NAXD: variants seen among roughly 807,000 people sequenced by gnomAD.
NAXD encodes NAD(P)HX dehydratase, also known as ATP-dependent (S)-NAD(P)H-hydrate dehydratase.
A neutral mutation model predicts 35.8 loss-of-function variants in NAXD; 22 were observed. The ratio of observed to expected loss-of-function variants is 0.62; its 90% CI spans 0.44 to 0.88. NAXD has a LOEUF of 0.88. Among genes scored for constraint, NAXD ranks in the 40% least tolerant of loss-of-function variants. The pLI, the probability that NAXD is intolerant of heterozygous loss-of-function variation, is 0.00. For synonymous variants in NAXD, 189 were observed against 177.6 expected (o/e 1.06, Z -0.51); for missense variants, 428 against 437.7 (o/e 0.98, Z 0.20).
At position 110,638,664 on chromosome 13, in the gene NAXD, A is replaced by G. The variant is rs1451017351; in HGVS notation, c.*136A>G. 2.9e-6 allele frequency: 3 copies of G among 1,025,718 alleles called. No homozygotes were observed. Among genetic ancestry groups the G allele is most frequent in the Admixed American group, 3.8e-5 (2 of 52,076 alleles). 63.5% of individuals were successfully genotyped at this position (1,025,718 alleles called of 1,614,324 possible). A position where few individuals can be genotyped will look rare whatever the true frequency, so the allele number is the denominator to read the frequency against. ...TCAACTTGAGCATAAATTGGTTGCC[A>G]TTGAGAATTTAAGAATCTGGAATAT... is the stretch of plus-strand genomic sequence containing the variant. On this transcript the variant is annotated 3_prime_UTR_variant, in exon 10 of 10. Transcript: ENST00000680254. This position sits in a 1 kb window ranked among gnomAD's most constrained non-coding sequence, Gnocchi z 5.4.
At chr13:110,616,963 C>T (rs142165815) in intron 1 of NAXD, among the ~76,000 whole-genome samples, 1 of 152,320 alleles carries the variant, frequency 6.6e-6, no homozygotes, top group Non-Finnish European at 1.5e-5. Context: ...CTACACTGCA[C>T]CTCACTCACA....
intron 5 of NAXD, among the ~76,000 whole-genome samples, chr13:110,633,271 G>A (rs964322968): frequency 2.6e-5 from 4 of 152,138 alleles, no homozygotes; most frequent in Non-Finnish European, 4.4e-5. Flanking sequence ...CCGCTGGCCC[G>A]GGTGCTAAGT....
rs759721262 is a variant in NAXD at position 110,622,238 on chromosome 13, A to G, written c.69A>G (p.Leu23=). 21 of 1,613,676 alleles carry G rather than the reference A, an allele frequency of 1.3e-5. No individual in the cohort carries two copies. The South Asian group carries it at 1.8e-4, about 14-fold the overall frequency. ...CAGTTTTAGAAAGAGCGTTTTCGCT[A>G]CGTAAAGCACATTCGATAAAGGATA... ...CRRVLERAFS[L]RKAHSIKDME... is the part of the protein sequence containing the mutation. Residue 23 remains leucine, a synonymous_variant, in exon 2 of 10, where the codon CTA becomes CTG. Transcript: ENST00000680254.
intron 2 of NAXD, among the ~76,000 whole-genome samples, chr13:110,623,060 A>G (rs1042838540): frequency 6.6e-6 from 1 of 152,118 alleles, no homozygotes; most frequent in African/African-American, 2.4e-5. Context: ...GTTGCCTCCC[A>G]AGAGCACCTG....
At chr13:110,634,319 C>T (rs572731228) in intron 5 of NAXD, among the ~76,000 whole-genome samples, 1 of 152,288 alleles carries the variant, frequency 6.6e-6, no homozygotes, top group Admixed American at 6.5e-5. Flanking sequence ...TGTCCAACAT[C>T]AAGGTGCCGG....
At chr13:110,624,488 C>G (rs8002455) in intron 3 of NAXD, among the ~76,000 whole-genome samples, 1 of 152,070 alleles carries the variant, frequency 6.6e-6, no homozygotes, top group Non-Finnish European at 1.5e-5. Context: ...GACAGAGTTT[C>G]GCTCTTTTTG....
At position 110,638,169 on chromosome 13, in the gene NAXD, T is replaced by G; in HGVS notation, c.840-209T>G. 1 of 1,420,830 alleles carries G rather than the reference T, an allele frequency of 7.0e-7. No individual in the cohort carries two copies. The highest frequency in any genetic ancestry group is 9.6e-7 in the Non-Finnish European group (1 of 1,045,572). The allele number at this position is 1,420,830 out of a possible 1,614,324, so 88.0% of individuals were successfully genotyped here. A position where few individuals can be genotyped will look rare whatever the true frequency, so the allele number is the denominator to read the frequency against. On this transcript the variant is annotated intron_variant, in intron 9 of 9. Coordinates refer to ENST00000680254, the MANE Select transcript of NAXD (RefSeq NM_001242882.2). This position sits in a 1 kb window ranked among gnomAD's most constrained non-coding sequence, Gnocchi z 5.4. ...TGTCTCCGAGTACATAGACGTTTCC[T>G]GTGTGCCTCCTGCCAGGGAGTAGTG...
At position 110,622,341 on chromosome 13, in the gene NAXD, A is replaced by AT. The variant is rs771814049; in HGVS notation, c.173dup (p.Gly59ArgfsTer41). 6.2e-7 allele frequency: 1 copy of AT among 1,614,236 alleles called. No individual in the cohort carries two copies. Among genetic ancestry groups the AT allele is most frequent in the African/African-American group, 1.3e-5 (1 of 75,064 alleles). ...AAAGCACAAAGGGCAAGATGGAAGA[A>AT]TAGGCGTAGTTGGAGGCTGTCAGGA... On this transcript the variant is annotated frameshift_variant, in exon 2 of 10. Transcript: ENST00000680254. LOFTEE classifies it high-confidence loss of function.
rs148659418 is a variant in NAXD at position 110,622,347 on chromosome 13, G to A, written c.178G>A (p.Val60Ile). ...KHKGQDGRIG[V>I]VGGCQEYTGA... is the part of the protein sequence containing the mutation. ...CAAAGGGCAAGATGGAAGAATAGGCGTAGTTGGAGGCTGTCAGGAGTAAGT... is the reference window on the plus strand; with the variant it reads ...CAAAGGGCAAGATGGAAGAATAGGCATAGTTGGAGGCTGTCAGGAGTAAGT... Residue 60 changes from valine to isoleucine, a missense_variant, in exon 2 of 10, where the codon GTA becomes ATA. By Grantham distance (29) the Val-to-Ile change is conservative. Transcript: ENST00000680254. 1.3e-5 allele frequency: 21 copies of A among 1,614,066 alleles called. No homozygotes were observed. Among genetic ancestry groups the A allele is most frequent in the African/African-American group, 6.7e-5 (5 of 74,932 alleles).
At chr13:110,631,010 C>T (rs1465848467) in intron 5 of NAXD, among the ~76,000 whole-genome samples, 6 of 152,156 alleles carry the variant, frequency 3.9e-5, no homozygotes, top group Admixed American at 3.9e-4. Flanking sequence ...TTTGGATCAG[C>T]TTGCTGATTT....
chr13:110,635,251 G>A (rs1886879383), intron 7 of NAXD, among the ~76,000 whole-genome samples: 1 of 152,186 alleles, frequency 6.6e-6, no homozygotes. Flanking sequence ...TGAGGTAGAG[G>A]ATGGGCACTG....
chr13:110,623,229 C>T (rs1186434572), intron 2 of NAXD, among the ~76,000 whole-genome samples: 1 of 152,200 alleles, frequency 6.6e-6, no homozygotes, highest in African/African-American at 2.4e-5. Context: ...ATTTACAACG[C>T]TATTGACACC....
intron 1 of NAXD, among the ~76,000 whole-genome samples, chr13:110,618,162 A>C (rs976698449): frequency 4.6e-5 from 7 of 152,240 alleles, no homozygotes; most frequent in African/African-American, 1.7e-4. Flanking sequence ...TATGTAGCAA[A>C]AAAGTTACTA....
chr13:110,633,344 A>G (rs879858031), intron 5 of NAXD, among the ~76,000 whole-genome samples: 1 of 152,230 alleles, frequency 6.6e-6, no homozygotes, highest in South Asian at 2.1e-4. Flanking sequence ...CGCCAAGCCC[A>G]CGCCCACCCG....
intron 5 of NAXD, among the ~76,000 whole-genome samples, chr13:110,631,394 A>G (rs1228310903): frequency 6.6e-6 from 1 of 152,140 alleles, no homozygotes. Context: ...GTGAAGTTCC[A>G]TTGCTGAATC....
chr13:110,625,593 A>G (rs1405304113), intron 4 of NAXD, among the ~76,000 whole-genome samples: 1 of 152,220 alleles, frequency 6.6e-6, no homozygotes. Flanking sequence ...CCTCTGAGCA[A>G]TAACAAGACC....
At chr13:110,621,215 C>T (rs989428603) in intron 1 of NAXD, among the ~76,000 whole-genome samples, 4 of 152,108 alleles carry the variant, frequency 2.6e-5, no homozygotes, top group East Asian at 1.9e-4. Context: ...AGCACCCCAG[C>T]GGATTACAGG....
chr13:110,632,464 C>T (rs749487369), intron 5 of NAXD, among the ~76,000 whole-genome samples: 15 of 152,194 alleles, frequency 9.9e-5, no homozygotes, highest in Non-Finnish European at 1.9e-4. Flanking sequence ...TATCCGGCCC[C>T]GCCCACATCC....
chr13:110,633,151 G>A (rs1886782779), intron 5 of NAXD, among the ~76,000 whole-genome samples: 2 of 152,206 alleles, frequency 1.3e-5, no homozygotes, highest in East Asian at 3.8e-4. Context: ...GGCATGGCGG[G>A]CTGCAGGTCC....
Sources: allele counts gnomAD v4.1 joint callset (sites outside exome capture counted in the v4.1 genomes callset), GRCh38; gene constraint gnomAD v4.1.1; non-coding constraint Gnocchi (gnomAD v3.1); transcripts MANE v1.5; gene names NCBI Gene and HGNC (gene_info 2026-07-23, HGNC 2026-07-21).